The following FCAMR variants were observed in gnomAD, a reference collection of about 807,000 sequenced individuals.
FCAMR encodes Fc alpha and mu receptor.
Under a neutral mutation model 52.2 loss-of-function variants are expected in FCAMR, and 51 were observed. The observed-to-expected ratio is 0.98, with a 90% CI of 0.78 to 1.23. The LOEUF (loss-of-function observed/expected upper bound fraction) is 1.23, where lower values mean the gene tolerates loss of function less well. Among genes scored for constraint, FCAMR ranks in the 50% most tolerant of loss-of-function variants. FCAMR has a pLI of 0.00. For synonymous variants in FCAMR, 282 were observed against 262.0 expected (o/e 1.08, Z -0.74); for missense variants, 719 against 712.6 (o/e 1.01, Z -0.10).
chr1:206,959,930 A>G (rs990131697), intron 6 of FCAMR, 133 bp from the exon 7 acceptor site: 38 of 694,526 alleles, frequency 5.5e-5, no homozygotes, highest in Non-Finnish European at 9.4e-5. Flanking sequence ...CCTGGTTCCC[A>G]TGGCTGGTTA....
chr1:206,965,944 TC>T (rs1188354002), intron 3 of FCAMR, 86 bp from the exon 4 acceptor site: 1 of 1,579,960 alleles, frequency 6.3e-7, no homozygotes, highest in Admixed American at 1.8e-5. Flanking sequence ...AACAGCCAGT[TC>T]CAAACCCCTG....
rs1195731608 is a variant in FCAMR at position 206,970,189 on chromosome 1, G to A, written c.-64C>T. 4.4e-6 allele frequency: 7 copies of A among 1,577,720 alleles called. No homozygotes were observed. The highest frequency in any genetic ancestry group is 2.2e-5 in the South Asian group (2 of 89,940). ...CCTTATGAGATGCAGGTGTTTGGAC[G>A]ACTTCTAGTTGCTCTCCTTTAAACC... On this transcript the variant is annotated 5_prime_UTR_variant, in exon 1 of 8. Transcript: ENST00000324852.
chr1:206,969,955 A>T (rs72741333), intron 1 of FCAMR, 132 bp downstream of exon 1: 593 of 1,045,162 alleles, frequency 5.7e-4, no homozygotes, highest in Non-Finnish European at 6.8e-4. Flanking sequence ...TAGAACCCTT[A>T]CCTGGCCTCC....
chr1:206,965,650 T>G (rs1277195210), intron 4 of FCAMR, 65 bp downstream of exon 4: 1 of 1,494,194 alleles, frequency 6.7e-7, no homozygotes, highest in Non-Finnish European at 8.9e-7. Context: ...GGAGCCTGAC[T>G]TGGTCTGAGA....
rs1477176900 is a variant in FCAMR at position 206,960,511 on chromosome 1, G to A, written c.1365C>T (p.Ala455=). 3 of 1,551,252 alleles carry A rather than the reference G, an allele frequency of 1.9e-6. No individual in the cohort carries two copies. The African/African-American group carries it at 4.1e-5, about 21-fold the overall frequency. Residue 455 remains alanine (A), a synonymous_variant, in exon 6 of 8, where the codon GCC becomes GCT. Transcript: ENST00000324852. ...TTGCTTGGGGACCTCTGTCTCCAGT[G>A]GCAGCATCTAGGTCCCCTGCAGCGC... ...EGSAAGDLDA[A]TGDRGPQATL...
rs1341663736 is a variant in FCAMR at position 206,960,477 on chromosome 1, G to T, written c.1399C>A (p.Gln467Lys). Residue 467 changes from glutamine to lysine, a missense_variant, in exon 6 of 8, where the codon CAG becomes AAG. Coordinates refer to ENST00000324852, the MANE Select transcript of FCAMR (RefSeq NM_001170631.2). ...CCCCAGGGTCCTACTGCCGGGGTCT[G>T]GCTCAGTGTTGCTTGGGGACCTCTG... ...GDRGPQATLS[Q>K]TPAVGPWGPP... 3 of 1,545,840 alleles carry T rather than the reference G, an allele frequency of 1.9e-6. No homozygotes were observed. Among genetic ancestry groups the T allele is most frequent in the Non-Finnish European group, 2.6e-6 (3 of 1,144,240 alleles).
intron 1 of FCAMR, 111 bp from the exon 2 acceptor site, chr1:206,967,762 T>C: frequency 1.0e-6 from 1 of 957,630 alleles, no homozygotes; most frequent in Non-Finnish European, 1.7e-6. Flanking sequence ...CAAGTAGCTC[T>C]CTGCACTAGG....
At chr1:206,967,498 G>A (rs970089385) in intron 2 of FCAMR, 85 bp downstream of exon 2, 2 of 1,403,790 alleles carry the variant, frequency 1.4e-6, no homozygotes, top group African/African-American at 2.8e-5. Context: ...TGGAATTGTG[G>A]GACCTTGGAA....
Position 206,961,163 on chromosome 1 carries a change from T to C in FCAMR, c.713A>G (p.Tyr238Cys). 6.4e-7 allele frequency: 1 copy of C among 1,551,592 alleles called. No individual in the cohort carries two copies. Among genetic ancestry groups the C allele is most frequent in the South Asian group, 1.2e-5 (1 of 84,044 alleles). The change falls in exon 6 of 8, where the codon TAT (tyrosine) becomes TGT (cysteine). Residue 238 changes from tyrosine (Y) to cysteine (C), a missense_variant. Transcript: ENST00000324852. ...GTTGGCCACTGGAGACGCTGTTCCA[T>C]AGGATCTCATGGTGAGCTCCCCAGC... ...PAAGELTMRS[Y>C]GTASPVANRW...
At chr1:206,965,595 G>T (rs1428283854) in intron 4 of FCAMR, 120 bp downstream of exon 4, 2 of 1,224,878 alleles carry the variant, frequency 1.6e-6, no homozygotes, top group Non-Finnish European at 2.2e-6. Context: ...ATTGTCTATT[G>T]CTATGGCTTC....
chr1:206,968,853 C>T (rs1282138836), intron 1 of FCAMR, among the ~76,000 whole-genome samples: 3 of 152,162 alleles, frequency 2.0e-5, no homozygotes, highest in Non-Finnish European at 4.4e-5. Context: ...GGCAAGTTGT[C>T]CCCTCAGCTT....
chr1:206,966,351 CGCAGAGT>C (rs1680706662), intron 3 of FCAMR, among the ~76,000 whole-genome samples: 1 of 152,152 alleles, frequency 6.6e-6, no homozygotes, highest in Admixed American at 6.5e-5. Context: ...GATTTTATCA[CGCAGAGT>C]GCTTACTCAA....
Position 206,967,627 on chromosome 1 carries a change from C to A in FCAMR, c.64G>T (p.Val22Leu). 1 of 1,614,200 alleles carries A rather than the reference C, an allele frequency of 6.2e-7. No individual in the cohort carries two copies. Among genetic ancestry groups the A allele is most frequent in the Non-Finnish European group, 8.5e-7 (1 of 1,180,014 alleles). Reference sequence around the variant, plus strand: ...CCAGCAATGAGCCTGGAGTAGTCCACTTCTCTTCCTCTCCTCACCACTTCC... The same window carrying A: ...CCAGCAATGAGCCTGGAGTAGTCCAATTCTCTTCCTCTCCTCACCACTTCC... Reference protein sequence around the residue: ...QKEVVRRGREVDYSRLIAGTL... With the variant: ...QKEVVRRGRELDYSRLIAGTL... Residue 22 changes from valine to leucine, a missense_variant, in exon 2 of 8, where the codon GTG (valine) becomes TTG (leucine). Val to Leu is a conservative substitution (Grantham distance 32). Transcript: ENST00000324852.
intron 1 of FCAMR, among the ~76,000 whole-genome samples, chr1:206,968,608 C>G (rs1329854869): frequency 6.6e-6 from 1 of 152,192 alleles, no homozygotes; most frequent in Non-Finnish European, 1.5e-5. Context: ...ACTCCCCAAA[C>G]AGTTTAAGCC....
In FCAMR at chr1:206,960,478, G is replaced by C; in HGVS notation, c.1398C>G (p.Ser466Arg). 6.5e-7 allele frequency: 1 copy of C among 1,546,702 alleles called. No homozygotes were observed. Among genetic ancestry groups the C allele is most frequent in the Non-Finnish European group, 8.7e-7 (1 of 1,144,656 alleles). The change falls in exon 6 of 8, where the codon AGC becomes AGG. Residue 466 changes from serine to arginine, a missense_variant. Physicochemically the swap from Ser to Arg is moderately radical, Grantham distance 110. Coordinates refer to ENST00000324852, the MANE Select transcript of FCAMR (RefSeq NM_001170631.2). ...TGDRGPQATL[S>R]QTPAVGPWGP... ...CCCAGGGTCCTACTGCCGGGGTCTG[G>C]CTCAGTGTTGCTTGGGGACCTCTGT...
At chr1:206,962,617 G>A (rs1392200638) in intron 4 of FCAMR, 66 bp from the exon 5 acceptor site, 13 of 1,291,264 alleles carry the variant, frequency 1.0e-5, no homozygotes, top group Admixed American at 2.9e-5. Flanking sequence ...GGGGACTCAC[G>A]AACTCTGAAC....
rs1047676271 is a variant in FCAMR at position 206,958,937 on chromosome 1, C to T, written c.1574-261G>A. On this transcript the variant is annotated intron_variant, in intron 7 of 7. Coordinates refer to ENST00000324852, the MANE Select transcript of FCAMR (RefSeq NM_001170631.2). Reference sequence around the variant, plus strand: ...CACTAGGTGTACATATCACAGAGCCCTCACTTTAAGAGTACTTAAACCTGG... The same window carrying T: ...CACTAGGTGTACATATCACAGAGCCTTCACTTTAAGAGTACTTAAACCTGG... 1.9e-5 allele frequency: 12 copies of T among 616,650 alleles called. No homozygotes were observed. In the Admixed American group the frequency reaches 2.6e-4, roughly 13 times the overall value. 38.2% of individuals were successfully genotyped at this position (616,650 alleles called of 1,614,324 possible). A position where few individuals can be genotyped will look rare whatever the true frequency, so the allele number is the denominator to read the frequency against.
chr1:206,961,800 A>G (rs568228980), intron 5 of FCAMR, among the ~76,000 whole-genome samples: 13 of 152,366 alleles, frequency 8.5e-5, no homozygotes, highest in African/African-American at 3.1e-4. Flanking sequence ...ACTCAGCAAG[A>G]GTCTGTGTGA....
rs545195034 is a variant in FCAMR, at chr1:206,960,023, G to T, written c.1455-226C>A. On this transcript the variant is annotated intron_variant, in intron 6 of 7. Coordinates refer to ENST00000324852, the MANE Select transcript of FCAMR (RefSeq NM_001170631.2). ...CCCTCTTCCACCCATCTGTGTGTGG[G>T]CCCTGCGATGCCTCCCAGTGAGAAA... 172 of 542,078 alleles carry T rather than the reference G, an allele frequency of 3.2e-4. 1 individual carries two copies. Among genetic ancestry groups the T allele is most frequent in the African/African-American group, 3.0e-3 (161 of 52,900 alleles). 33.6% of individuals were successfully genotyped at this position (542,078 alleles called of 1,614,324 possible).
Sources: allele counts gnomAD v4.1 joint callset (sites outside exome capture counted in the v4.1 genomes callset), GRCh38; gene constraint gnomAD v4.1.1; transcripts MANE v1.5; gene names NCBI Gene and HGNC (gene_info 2026-07-23, HGNC 2026-07-21).